PALD1: variants seen among roughly 807,000 people sequenced by gnomAD.
The protein encoded by PALD1 is phosphatase domain containing paladin 1.
In PALD1, 57 loss-of-function variants were observed where a neutral mutation model predicts 96.0. The observed-to-expected ratio is 0.59, with a 90% CI of 0.48 to 0.74. PALD1 has a LOEUF of 0.74. PALD1 is among the 30% of genes least tolerant of loss of function. The pLI is 0.00. For missense variants in PALD1, 1,063 were observed against 1,143.7 expected (o/e 0.93, Z 1.02); for synonymous variants, 464 against 473.6 (o/e 0.98, Z 0.26).
At chr10:70,522,477 G>A (rs1419132336) in intron 1 of PALD1, among the ~76,000 whole-genome samples, 2 of 152,302 alleles carry the variant, frequency 1.3e-5, no homozygotes, top group East Asian at 3.9e-4. Flanking sequence ...GTCTGATAAT[G>A]ACTGTTGTTT....
the PALD1 span, among the ~76,000 whole-genome samples, chr10:70,467,142 G>C: frequency 1.3e-5 from 2 of 152,056 alleles, no homozygotes; most frequent in Non-Finnish European, 2.9e-5. Context: ...ACCAGCTTCT[G>C]GGGGGTATGG....
chr10:70,472,563 A>G, the PALD1 span, among the ~76,000 whole-genome samples: 2 of 152,060 alleles, frequency 1.3e-5, no homozygotes, highest in African/African-American at 4.8e-5. Flanking sequence ...GCCTGGCCAG[A>G]TCTGAGTTAT....
At chr10:70,499,753 G>GGTT (rs1846260824) in intron 1 of PALD1, among the ~76,000 whole-genome samples, 1 of 152,162 alleles carries the variant, frequency 6.6e-6, no homozygotes, top group African/African-American at 2.4e-5. Context: ...CATTCTTGTG[G>GGTT]GTTTTGTTTT....
At chr10:70,524,720 AATG>A (rs1846816604) in intron 1 of PALD1, among the ~76,000 whole-genome samples, 1 of 152,180 alleles carries the variant, frequency 6.6e-6, no homozygotes, top group Non-Finnish European at 1.5e-5. Flanking sequence ...CATGTCAGCC[AATG>A]ATATTTTTAA....
At chr10:70,559,768 G>A (rs1847698066) in intron 18 of PALD1, among the ~76,000 whole-genome samples, 1 of 152,168 alleles carries the variant, frequency 6.6e-6, no homozygotes, top group African/African-American at 2.4e-5. Flanking sequence ...GGTGTGCTCA[G>A]GAGGTTCACT....
intron 18 of PALD1, among the ~76,000 whole-genome samples, chr10:70,555,462 G>T (rs116864225): frequency 1.9e-3 from 283 of 151,408 alleles, no homozygotes; most frequent in Admixed American, 3.0e-3. Context: ...CTTTTCTGCC[G>T]CTGTGGCAGC....
chr10:70,561,790 T>C (rs1352554250), intron 18 of PALD1, among the ~76,000 whole-genome samples: 4 of 152,086 alleles, frequency 2.6e-5, no homozygotes, highest in Non-Finnish European at 5.9e-5. Flanking sequence ...CCCTGGGGAC[T>C]CACCTCATTC....
At chr10:70,535,076 A>G (rs544898386) in intron 10 of PALD1, among the ~76,000 whole-genome samples, 24 of 152,322 alleles carry the variant, frequency 1.6e-4, no homozygotes, top group Non-Finnish European at 3.4e-4. Flanking sequence ...CAGAATAAAC[A>G]GGACAGAGGA....
rs540239182 is a variant in PALD1 at position 70,539,310 on chromosome 10, G to T, written c.1725+63G>T. On this transcript the variant is annotated intron_variant, in intron 14 of 19. Transcript: ENST00000263563. The surrounding 1 kb of genome is among the most constrained non-coding windows in gnomAD (Gnocchi z 4.5). Reference sequence around the variant, plus strand: ...GGCTTCTGGGGAGTGGCCTGGGAGGGTCTTCAGAAGGCCTCACACTCCCGC... The same window carrying T: ...GGCTTCTGGGGAGTGGCCTGGGAGGTTCTTCAGAAGGCCTCACACTCCCGC... 2 of 1,479,696 alleles carry T rather than the reference G, an allele frequency of 1.4e-6. No homozygotes were observed. The highest frequency in any genetic ancestry group is 2.4e-5 in the East Asian group (1 of 41,262). The allele number at this position is 1,479,696 out of a possible 1,614,324, so 91.7% of individuals were successfully genotyped here. A position where few individuals can be genotyped will look rare whatever the true frequency, so the allele number is the denominator to read the frequency against.
chr10:70,520,485 A>G (rs897703879), intron 1 of PALD1, among the ~76,000 whole-genome samples: 2 of 152,196 alleles, frequency 1.3e-5, no homozygotes, highest in African/African-American at 2.4e-5. Flanking sequence ...GGGCATCTCT[A>G]GCTTCCCCTG....
chr10:70,555,956 G>A (rs1035085745), intron 18 of PALD1, among the ~76,000 whole-genome samples: 3 of 152,222 alleles, frequency 2.0e-5, no homozygotes, highest in Non-Finnish European at 4.4e-5. Flanking sequence ...AGCTGAGATC[G>A]CACCACTGCA....
At chr10:70,507,191 C>T (rs1846408248) in intron 1 of PALD1, among the ~76,000 whole-genome samples, 3 of 150,850 alleles carry the variant, frequency 2.0e-5, no homozygotes, top group African/African-American at 4.9e-5. Flanking sequence ...CACCTGAGAT[C>T]GGGAGTTCAA....
intron 19 of PALD1, among the ~76,000 whole-genome samples, chr10:70,565,397 G>A (rs1204906792): frequency 6.6e-6 from 1 of 152,206 alleles, no homozygotes; most frequent in Non-Finnish European, 1.5e-5. Context: ...TGGCAAAGCG[G>A]CCTGTAATTA....
Position 70,525,933 on chromosome 10 carries a change from C to A in PALD1, c.-19C>A, listed in dbSNP as rs199719362. ...CCTCTTATCCTACAGGTCTGGGGTCCTGAGGCTGCTGGCAGACTATGGGTA... is the reference window on the plus strand; with the variant it reads ...CCTCTTATCCTACAGGTCTGGGGTCATGAGGCTGCTGGCAGACTATGGGTA... On this transcript the variant is annotated 5_prime_UTR_variant, in exon 2 of 20. The change creates a new upstream start codon in the 5' untranslated region. Transcript: ENST00000263563. The A allele has an allele frequency of 4.8e-5, 77 of 1,613,502 alleles. No homozygotes were observed. The African/African-American group carries it at 8.8e-4, about 18-fold the overall frequency.
chr10:70,564,343 C>G (rs1488701403), intron 18 of PALD1, 21 bp from the exon 19 acceptor site: 2 of 1,605,118 alleles, frequency 1.2e-6, no homozygotes, highest in African/African-American at 1.3e-5. Flanking sequence ...CACACTGACC[C>G]CACCCTGTCC....
At position 70,531,352 on chromosome 10, in the gene PALD1, T is replaced by A; in HGVS notation, c.531T>A (p.Phe177Leu). The A allele has an allele frequency of 6.2e-7, 1 of 1,613,906 alleles. No individual in the cohort carries two copies. ...TTTTCCTGCGTGCAGATGAGGACTT[T>A]GTGTCCTACACACCTCGAGACAAGC... is the stretch of plus-strand genomic sequence containing the variant. ...PVLFLRADEDFVSYTPRDKQN... is the reference protein window; with the variant it reads ...PVLFLRADEDLVSYTPRDKQN... The change falls in exon 5 of 20, where the codon TTT (phenylalanine) becomes TTA (leucine). Residue 177 changes from phenylalanine (F) to leucine (L), a missense_variant. Phe to Leu is a conservative substitution (Grantham distance 22, BLOSUM62 0). Transcript: ENST00000263563.
intron 18 of PALD1, among the ~76,000 whole-genome samples, chr10:70,556,285 T>TCTCC (rs1554862632): frequency 1.3e-4 from 19 of 147,766 alleles, no homozygotes; most frequent in Admixed American, 2.7e-4. Context: ...GAGACCTCTC[T>TCTCC]CTCTCTCTCT....
chr10:70,480,856 C>T (rs1296831210), intron 1 of PALD1, among the ~76,000 whole-genome samples: 1 of 152,188 alleles, frequency 6.6e-6, no homozygotes, highest in East Asian at 1.9e-4. Context: ...CTCAGGTTTA[C>T]ATCTGTGTGG....
the PALD1 span, among the ~76,000 whole-genome samples, chr10:70,468,411 T>G: frequency 1.8e-3 from 271 of 152,034 alleles, 10 homozygotes; most frequent in South Asian, 0.052. Context: ...GCCCAGCTAA[T>G]TTTTGTATTT....
Sources: allele counts gnomAD v4.1 joint callset (sites outside exome capture counted in the v4.1 genomes callset), GRCh38; gene constraint gnomAD v4.1.1; non-coding constraint Gnocchi (gnomAD v3.1); transcripts MANE v1.5; gene names NCBI Gene and HGNC (gene_info 2026-07-23, HGNC 2026-07-21).